Variants in NRG1 observed in about 807,000 individuals in gnomAD.
NRG1 encodes the protein neuregulin 1.
In NRG1, 18 loss-of-function variants were observed where a neutral mutation model predicts 63.8. That is an observed-to-expected ratio of 0.28 (90% CI 0.19 to 0.42). The LOEUF (loss-of-function observed/expected upper bound fraction) is 0.42, where lower values mean the gene tolerates loss of function less well. Ranked by LOEUF, NRG1 falls within the 10% of genes least tolerant of loss-of-function variation. The probability of loss-of-function intolerance (pLI) is 1.00; values close to 1 mark genes in which losing one functional copy is unlikely to be tolerated. For synonymous variants in NRG1, 302 were observed against 301.3 expected, an observed-to-expected ratio of 1.00 and a Z score of -0.02; for missense variants, 762 against 814.7, an observed-to-expected ratio of 0.94 and a Z score of 0.79.
chr8:31,963,606 G>A (rs1363085167), intron 1 of NRG1, among the ~76,000 whole-genome samples: 2 of 152,120 alleles, frequency 1.3e-5, no homozygotes, highest in Non-Finnish European at 2.9e-5. Context: ...ATCAAAATAA[G>A]GTGAGCCTAT....
chr8:32,441,390 C>T (rs1222095637), intron 1 of NRG1: 2 of 152,080 alleles, frequency 1.3e-5, no homozygotes, highest in African/African-American at 2.4e-5. Context: ...GCCTTCCTGT[C>T]ACTCTTTGAT....
chr8:32,238,301 C>T (rs1408237728), intron 1 of NRG1, among the ~76,000 whole-genome samples: 1 of 151,968 alleles, frequency 6.6e-6, no homozygotes, highest in Non-Finnish European at 1.5e-5. Context: ...CCTGTCTCTA[C>T]TAAAAATCTT....
intron 1 of NRG1, among the ~76,000 whole-genome samples, chr8:32,209,934 G>A (rs1010955612): frequency 6.6e-6 from 1 of 152,030 alleles, no homozygotes; most frequent in Non-Finnish European, 1.5e-5. Flanking sequence ...AGTCAACTGG[G>A]GTAAACCTGT....
intron 1 of NRG1, among the ~76,000 whole-genome samples, chr8:32,578,811 A>G (rs1284607179): frequency 1.3e-5 from 2 of 152,240 alleles, no homozygotes; most frequent in Non-Finnish European, 2.9e-5. Context: ...AAGTAATGCA[A>G]GAAATATCTT....
chr8:32,529,549 G>T lies in NRG1; in HGVS notation c.38-66279G>T, dbSNP rs144498522. Among the ~76,000 whole-genome samples the T allele has an allele frequency of 9.6e-3, 1,454 of 152,154 alleles. 10 individuals carry two copies. The highest frequency in any genetic ancestry group is 0.027 in the Middle Eastern group (8 of 294). On this transcript the variant is annotated intron_variant, in intron 1 of 10. Transcript: ENST00000519301. ...CTTTAAAACACAGACACATTGTACA[G>T]CTGTGCAAAAATATTCTTTCTTCAT...
Position 31,717,105 on chromosome 8 carries a change from T to C in NRG1, c.37+77674T>C, listed in dbSNP as rs576635819. Among the ~76,000 whole-genome samples the C allele has an allele frequency of 6.6e-5, 10 of 152,284 alleles. No homozygotes were observed. The South Asian group carries it at 2.1e-3, about 32-fold the overall frequency. On this transcript the variant is annotated intron_variant, in intron 1 of 10. Transcript: ENST00000519301. ...CTTAGAGAAAATTAAGTATTGATGA[T>C]AGAGCAGATACAGGATTTTCACCGG...
At chr8:31,676,648 G>A (rs1215767107) in intron 1 of NRG1, among the ~76,000 whole-genome samples, 1 of 152,164 alleles carries the variant, frequency 6.6e-6, no homozygotes, top group Non-Finnish European at 1.5e-5. Flanking sequence ...AGGGGTTCTG[G>A]TGCATGCGCA....
intron 1 of NRG1, among the ~76,000 whole-genome samples, chr8:32,326,352 C>T (rs1802022676): frequency 6.8e-6 from 1 of 146,714 alleles, no homozygotes; most frequent in African/African-American, 2.6e-5. Flanking sequence ...CACTCTGTCA[C>T]CCAGGCTGGA....
intron 11 of NRG1, among the ~76,000 whole-genome samples, chr8:32,762,550 G>A (rs538161291): frequency 1.3e-5 from 2 of 152,124 alleles, no homozygotes; most frequent in Admixed American, 6.6e-5. Context: ...TCTCAGGCAC[G>A]TTCCCAGTTT....
chr8:32,105,080 A>G (rs1831086384), intron 1 of NRG1, among the ~76,000 whole-genome samples: 1 of 152,184 alleles, frequency 6.6e-6, no homozygotes, highest in African/African-American at 2.4e-5. Context: ...TGCAGTAGGT[A>G]TGTTTACGCT....
chr8:32,520,352 T>A (rs995367177), intron 1 of NRG1, among the ~76,000 whole-genome samples: 1 of 148,720 alleles, frequency 6.7e-6, no homozygotes, highest in African/African-American at 2.5e-5. Context: ...AGAAACAGGG[T>A]CTTGCCATGT....
intron 1 of NRG1, among the ~76,000 whole-genome samples, chr8:32,514,279 T>TTG (rs1829556299): frequency 6.6e-6 from 1 of 151,958 alleles, no homozygotes; most frequent in South Asian, 2.1e-4. Flanking sequence ...GTTTCTGCTA[T>TTG]TGTGTGTGTA....
intron 1 of NRG1, among the ~76,000 whole-genome samples, chr8:31,769,321 G>C (rs978826294): frequency 6.6e-6 from 1 of 152,082 alleles, no homozygotes; most frequent in Non-Finnish European, 1.5e-5. Flanking sequence ...TCTAGCTAAA[G>C]CTCATTCATC....
chr8:32,192,734 T>A (rs923415349), intron 1 of NRG1, among the ~76,000 whole-genome samples: 9 of 152,044 alleles, frequency 5.9e-5, no homozygotes, highest in Non-Finnish European at 1.3e-4. Context: ...GAATCTAGAA[T>A]TAAACTTGAA....
intron 1 of NRG1, among the ~76,000 whole-genome samples, chr8:32,029,838 G>A (rs978126064): frequency 3.0e-5 from 3 of 99,244 alleles, no homozygotes; most frequent in African/African-American, 1.1e-4. Context: ...AATTATGAAT[G>A]CTGGTTTGTA....
At chr8:32,353,140 C>T (rs1034857632) in intron 1 of NRG1, among the ~76,000 whole-genome samples, 5 of 150,426 alleles carry the variant, frequency 3.3e-5, no homozygotes, top group Non-Finnish European at 5.9e-5. Flanking sequence ...AGAAATTGCA[C>T]TGGTATCTGA....
chr8:31,657,373 C>A (rs1585447741), intron 1 of NRG1, among the ~76,000 whole-genome samples: 1 of 152,192 alleles, frequency 6.6e-6, no homozygotes, highest in Non-Finnish European at 1.5e-5. Context: ...CCTGCGGGCT[C>A]CTCCCTCTAG....
Position 32,112,945 on chromosome 8 carries a change from G to C in NRG1, c.37+473514G>C, listed in dbSNP as rs996072360. Among the ~76,000 whole-genome samples, 2 of 152,282 alleles carry C rather than the reference G, an allele frequency of 1.3e-5. 1 individual carries two copies. The highest frequency in any genetic ancestry group is 4.1e-4 in the South Asian group (2 of 4,826). The stretch of plus-strand genomic sequence containing the variant: ...AATTGGAATAACAATGCTGTGTACT[G>C]GAACAGCTTCATAATTTGTAGGCCC... On this transcript the variant is annotated intron_variant, in intron 1 of 10. Coordinates refer to the NRG1 transcript ENST00000519301.
intron 1 of NRG1, among the ~76,000 whole-genome samples, chr8:32,081,501 T>C (rs1181986928): frequency 6.6e-6 from 1 of 152,148 alleles, no homozygotes; most frequent in African/African-American, 2.4e-5. Context: ...TGAGTCCACG[T>C]AGCCCCAGAA....
Sources: allele counts gnomAD v4.1 joint callset (sites outside exome capture counted in the v4.1 genomes callset), GRCh38; gene constraint gnomAD v4.1.1; transcripts MANE v1.5; gene names NCBI Gene and HGNC (gene_info 2026-07-23, HGNC 2026-07-21).